Variants in ATP4A observed in about 807,000 individuals in gnomAD.
ATP4A encodes ATPase H+/K+ transporting subunit alpha, also known as potassium-transporting ATPase alpha chain 1.
In ATP4A, 73 loss-of-function variants were observed where a neutral mutation model predicts 112.1. The ratio of observed to expected loss-of-function variants is 0.65; its 90% CI spans 0.54 to 0.79. The LOEUF (loss-of-function observed/expected upper bound fraction) is 0.79, where lower values mean the gene tolerates loss of function less well. Among genes scored for constraint, ATP4A ranks in the 30% least tolerant of loss-of-function variants. ATP4A has a pLI of 0.00. For missense variants in ATP4A, 1,081 were observed against 1,425.9 expected, an observed-to-expected ratio of 0.76 and a Z score of 3.90; for synonymous variants, 588 against 588.9, an observed-to-expected ratio of 1.00 and a Z score of 0.02.
rs150321750 is a variant in ATP4A, at chr19:35,553,075, G to T, written c.2713C>A (p.His905Asn). ...VGLRAQWEDH[H>N]LQDLQDSYGQ... is the part of the protein sequence containing the mutation. Reference sequence around the variant, plus strand: ...TAGCTGTCCTGCAGATCTTGTAGGTGGTGGTCCTCCCACTGCGCCCGCAGC... The same window carrying T: ...TAGCTGTCCTGCAGATCTTGTAGGTTGTGGTCCTCCCACTGCGCCCGCAGC... The change falls in exon 18 of 22, where the codon CAC becomes AAC. Residue 905 changes from histidine (H) to asparagine (N), a missense_variant. Transcript: ENST00000262623. 344 of 1,610,604 alleles carry T rather than the reference G, an allele frequency of 2.1e-4. 2 individuals carry two copies. In the African/African-American group the frequency reaches 4.2e-3, roughly 20 times the overall value.
rs370650252 is a variant in ATP4A at position 35,560,467 on chromosome 19, G to A, written c.683C>T (p.Ser228Leu). The change falls in exon 6 of 22, where the codon TCG becomes TTG. Residue 228 changes from serine to leucine, a missense_variant. Physicochemically the swap from Ser to Leu is moderately radical, Grantham distance 145. Coordinates refer to ENST00000262623, the MANE Select transcript of ATP4A (RefSeq NM_000704.3). The surrounding 1 kb of genome is among the most constrained non-coding windows in gnomAD (Gnocchi z 5.1). ...AAQGCKVDNS[S>L]LTGESEPQTR... is the part of the protein sequence containing the mutation. ...CTGTGGCTCAGACTCCCCTGTCAGC[G>A]AGGAGTTGTCCACCTTGCAGCCCTG... 33 of 1,613,588 alleles carry A rather than the reference G, an allele frequency of 2.0e-5. No individual in the cohort carries two copies. The highest frequency in any genetic ancestry group is 6.7e-5 in the African/African-American group (5 of 74,930).
chr19:35,556,120 T>G (rs12609743), intron 12 of ATP4A, among the ~76,000 whole-genome samples: 6,480 of 152,062 alleles, frequency 0.043, 174 homozygotes, highest in South Asian at 0.071. Flanking sequence ...ATTGAGAAGG[T>G]GATATCTGAG....
chr19:35,556,358 G>A (rs901642284), intron 12 of ATP4A, among the ~76,000 whole-genome samples: 2 of 152,216 alleles, frequency 1.3e-5, no homozygotes, highest in East Asian at 1.9e-4. Flanking sequence ...GTAGAGACAC[G>A]GGAAGGGCTT....
chr19:35,560,148 C>G lies in ATP4A; in HGVS notation c.788-75G>C. The stretch of plus-strand genomic sequence containing the variant: ...GTGCACTGCCGTGTGAGCTGAAGGA[C>G]AGCCAGTCACTGCCAGTGGAGGATG... On this transcript the variant is annotated intron_variant, in intron 6 of 21. Coordinates refer to ENST00000262623, the MANE Select transcript of ATP4A (RefSeq NM_000704.3). The surrounding 1 kb of genome is among the most constrained non-coding windows in gnomAD (Gnocchi z 5.1). 3 of 1,575,270 alleles carry G rather than the reference C, an allele frequency of 1.9e-6. No homozygotes were observed. Among genetic ancestry groups the G allele is most frequent in the Non-Finnish European group, 2.6e-6 (3 of 1,157,458 alleles).
chr19:35,555,574 C>A lies in ATP4A; in HGVS notation c.2023G>T (p.Val675Leu). ...QVNRKDARAC[V>L]INGMQLKDMD... ...TCCTTCAGCTGCATGCCATTGATCA[C>A]ACAGGCACGGGCATCCCTGGGGAGG... The change falls in exon 14 of 22, where the codon GTG becomes TTG. Residue 675 changes from valine (V) to leucine (L), a missense_variant. Transcript: ENST00000262623. This position sits in a 1 kb window ranked among gnomAD's most constrained non-coding sequence, Gnocchi z 6.6. 6.3e-7 allele frequency: 1 copy of A among 1,583,532 alleles called. No individual in the cohort carries two copies. Among genetic ancestry groups the A allele is most frequent in the Non-Finnish European group, 8.6e-7 (1 of 1,159,326 alleles).
rs1392959488 is a variant in ATP4A, at chr19:35,560,897, G to A, written c.456C>T (p.Val152=). The change falls in exon 5 of 22, where the codon GTC becomes GTT. Residue 152 remains valine (V), a synonymous_variant. Transcript: ENST00000262623. This position sits in a 1 kb window ranked among gnomAD's most constrained non-coding sequence, Gnocchi z 5.1. ...GGTAGTAGCCAAAGCAGCCGGTGACGACAACCACAGCAATGAGAGCGATTG... is the reference window on the plus strand; with the variant it reads ...GGTAGTAGCCAAAGCAGCCGGTGACAACAACCACAGCAATGAGAGCGATTG... The part of the protein sequence containing the change: ...YLAIALIAVV[V]VTGCFGYYQE... The A allele has an allele frequency of 1.1e-5, 17 of 1,613,834 alleles. No individual in the cohort carries two copies. Among genetic ancestry groups the A allele is most frequent in the African/African-American group, 4.0e-5 (3 of 74,836 alleles).
chr19:35,559,404 G>A lies in ATP4A; in HGVS notation c.1057-213C>T, dbSNP rs2071653773. On this transcript the variant is annotated intron_variant, in intron 7 of 21. Coordinates refer to ENST00000262623, the MANE Select transcript of ATP4A (RefSeq NM_000704.3). This position sits in a 1 kb window ranked among gnomAD's most constrained non-coding sequence, Gnocchi z 4.1. ...CAGTCTGCCCAGATACAGTAGCGAG[G>A]CCCCTCTCTGAGCTGTCCCAGCCGA... Among the ~76,000 whole-genome samples the A allele has an allele frequency of 6.6e-6, 1 of 152,214 alleles. No homozygotes were observed. The highest frequency in any genetic ancestry group is 2.4e-5 in the African/African-American group (1 of 41,446).
chr19:35,563,142 C>T, intron 3 of ATP4A, 67 bp downstream of exon 3: 1 of 1,568,266 alleles, frequency 6.4e-7, no homozygotes, highest in Non-Finnish European at 8.7e-7. Context: ...CCATCTCCCT[C>T]CTTCCATCTC....
chr19:35,558,888 G>T lies in ATP4A; in HGVS notation c.1255+105C>A. The T allele has an allele frequency of 7.0e-7, 1 of 1,436,184 alleles. No homozygotes were observed. 89.0% of individuals were successfully genotyped at this position (1,436,184 alleles called of 1,614,324 possible). On this transcript the variant is annotated intron_variant, in intron 8 of 21. Transcript: ENST00000262623. The surrounding 1 kb of genome is among the most constrained non-coding windows in gnomAD (Gnocchi z 5.1). ...AGTCTCCTTTGAGACCTGGAGCCGA[G>T]CCGCCCCGCCTTCGTACAAAGCCCT...
chr19:35,557,836 A>G lies in ATP4A; in HGVS notation c.1512T>C (p.His504=), dbSNP rs768156845. The change falls in exon 11 of 22, where the codon CAT becomes CAC. Residue 504 remains histidine, a synonymous_variant. Transcript: ENST00000262623. This position sits in a 1 kb window ranked among gnomAD's most constrained non-coding sequence, Gnocchi z 4.4. The part of the protein sequence containing the change: ...NSTNKFQLSI[H]TLEDPRDPRH... ...GCGGGTCCCGCGGGTCCTCCAGCGT[A>G]TGGATGGACAGCTGTGGGCGGGGGG... 2.5e-5 allele frequency: 34 copies of G among 1,341,266 alleles called. No individual in the cohort carries two copies. The highest frequency in any genetic ancestry group is 3.3e-5 in the Non-Finnish European group (34 of 1,019,430). The allele number at this position is 1,341,266 out of a possible 1,614,324, so 83.1% of individuals were successfully genotyped here.
rs1320762593 is a variant in ATP4A, at chr19:35,560,410, G to C, written c.740C>G (p.Pro247Arg). 6.2e-7 allele frequency: 1 copy of C among 1,614,050 alleles called. No individual in the cohort carries two copies. Among genetic ancestry groups the C allele is most frequent in the Non-Finnish European group, 8.5e-7 (1 of 1,180,020 alleles). ...GAAGGCGATGTTGCGGGTCTCCAGAGGGCTCTCGTGCGTGCACTCGGGTGA... is the reference window on the plus strand; with the variant it reads ...GAAGGCGATGTTGCGGGTCTCCAGACGGCTCTCGTGCGTGCACTCGGGTGA... ...TRSPECTHESPLETRNIAFFS... is the reference protein window; with the variant it reads ...TRSPECTHESRLETRNIAFFS... The change falls in exon 6 of 22, where the codon CCT (proline) becomes CGT (arginine). Residue 247 changes from proline (P) to arginine (R), a missense_variant. Transcript: ENST00000262623. This position sits in a 1 kb window ranked among gnomAD's most constrained non-coding sequence, Gnocchi z 5.1.
chr19:35,560,531 C>G lies in ATP4A; in HGVS notation c.619G>C (p.Gly207Arg), dbSNP rs1339700578. The G allele has an allele frequency of 6.2e-7, 1 of 1,613,514 alleles. No individual in the cohort carries two copies. Among genetic ancestry groups the G allele is most frequent in the Non-Finnish European group, 8.5e-7 (1 of 1,180,026 alleles). Reference protein sequence around the residue: ...VVGDLVEMKGGDRVPADIRIL... With the variant: ...VVGDLVEMKGRDRVPADIRIL... ...CGGATGTCGGCGGGCACTCTGTCCC[C>G]ACCTTTCATCTCCACCAGGTCGCCC... Residue 207 changes from glycine (G) to arginine (R), a missense_variant, in exon 6 of 22, where the codon GGG (glycine) becomes CGG (arginine). Physicochemically the swap from Gly to Arg is moderately radical, Grantham distance 125. Around this residue, in one of 3 missense-constraint regions of ATP4A, gnomAD observed 850 missense variants for 1,068.2 expected, o/e 0.80. Transcript: ENST00000262623. The surrounding 1 kb of genome is among the most constrained non-coding windows in gnomAD (Gnocchi z 5.1).
rs1414992855 is a variant in ATP4A at position 35,557,633 on chromosome 19, C to T, written c.1693+22G>A. On this transcript the variant is annotated intron_variant, in intron 11 of 21. Transcript: ENST00000262623. The surrounding 1 kb of genome is among the most constrained non-coding windows in gnomAD (Gnocchi z 4.4). ...AGCTCCTCCTCGCACCTGGAGTCTCCTCCCCTGCCCAGGGGTCTCACCGAG... is the reference window on the plus strand; with the variant it reads ...AGCTCCTCCTCGCACCTGGAGTCTCTTCCCCTGCCCAGGGGTCTCACCGAG... 1.3e-6 allele frequency: 2 copies of T among 1,591,348 alleles called. No individual in the cohort carries two copies. Among genetic ancestry groups the T allele is most frequent in the Non-Finnish European group, 1.7e-6 (2 of 1,169,242 alleles).
In ATP4A at chr19:35,555,103, C is replaced by T. The variant is rs940816969; in HGVS notation, c.2327-27G>A. 2 of 1,612,962 alleles carry T rather than the reference C, an allele frequency of 1.2e-6. No individual in the cohort carries two copies. The highest frequency in any genetic ancestry group is 1.7e-6 in the Non-Finnish European group (2 of 1,179,348). ...TGTGGGGTAGGGTGGGCACCTCAGC[C>T]TCCTCACAGCCCTCTCCCTCCTGTG... On this transcript the variant is annotated intron_variant, in intron 15 of 21. Coordinates refer to ENST00000262623, the MANE Select transcript of ATP4A (RefSeq NM_000704.3). This position sits in a 1 kb window ranked among gnomAD's most constrained non-coding sequence, Gnocchi z 6.6.
In ATP4A at chr19:35,551,073, C is replaced by G; in HGVS notation, c.2924G>C (p.Cys975Ser). 6.2e-7 allele frequency: 1 copy of G among 1,613,470 alleles called. No homozygotes were observed. Among genetic ancestry groups the G allele is most frequent in the Non-Finnish European group, 8.5e-7 (1 of 1,179,686 alleles). ...GCAGTAGCACAGGAAGCAGCCGATG[C>G]AGACCTGGAACACGATGGCGATCAC... is the stretch of plus-strand genomic sequence containing the variant. ...ILVIAIVFQV[C>S]IGCFLCYCPG... The change falls in exon 20 of 22, where the codon TGC (cysteine) becomes TCC (serine). Residue 975 changes from cysteine (C) to serine (S), a missense_variant. This residue lies in a region of ATP4A where 219 missense variants were observed against 320.9 expected (regional missense o/e 0.68). Coordinates refer to ENST00000262623, the MANE Select transcript of ATP4A (RefSeq NM_000704.3). This position sits in a 1 kb window ranked among gnomAD's most constrained non-coding sequence, Gnocchi z 5.2.
Position 35,558,696 on chromosome 19 carries a change from A to G in ATP4A, c.1256-10T>C, listed in dbSNP as rs913769557. On this transcript the variant is annotated splice_polypyrimidine_tract_variant and intron_variant, in intron 8 of 21. Coordinates refer to ENST00000262623, the MANE Select transcript of ATP4A (RefSeq NM_000704.3). The surrounding 1 kb of genome is among the most constrained non-coding windows in gnomAD (Gnocchi z 5.1). ...TGGTCAAACGTCTGCCCTGCAGACC[A>G]GGCGTCCAGGCTGGGTCCCGCACGG... 4.4e-6 allele frequency: 7 copies of G among 1,579,202 alleles called. 1 individual carries two copies. The highest frequency in any genetic ancestry group is 1.2e-5 in the South Asian group (1 of 86,956).
At chr19:35,553,996 G>T in intron 16 of ATP4A, 167 bp from the exon 17 acceptor site, 1 of 965,412 alleles carries the variant, frequency 1.0e-6, no homozygotes, top group Non-Finnish European at 1.5e-6. Context: ...GGGCCCCACT[G>T]GCCCCTGGGT....
chr19:35,551,151 G>A lies in ATP4A; in HGVS notation c.2886-40C>T, dbSNP rs2071599596. Reference sequence around the variant, plus strand: ...AATGGGACAGGCCATTAGGAATTGGGGACGTGATGGAAATCAGGATACTGT... The same window carrying A: ...AATGGGACAGGCCATTAGGAATTGGAGACGTGATGGAAATCAGGATACTGT... On this transcript the variant is annotated intron_variant, in intron 19 of 21. Transcript: ENST00000262623. The surrounding 1 kb of genome is among the most constrained non-coding windows in gnomAD (Gnocchi z 5.2). The A allele has an allele frequency of 6.4e-7, 1 of 1,553,200 alleles. No homozygotes were observed. The highest frequency in any genetic ancestry group is 2.4e-5 in the East Asian group (1 of 42,036).
rs1467401280 is a variant in ATP4A, at chr19:35,562,651, G to A, written c.217-13C>T. On this transcript the variant is annotated splice_polypyrimidine_tract_variant and intron_variant, in intron 3 of 21. Coordinates refer to ENST00000262623, the MANE Select transcript of ATP4A (RefSeq NM_000704.3). ...TCGCAGAGAGGCCCTGGGACAGAGG[G>A]GCAGGGCGAGGCGGTCCTGGGGGCT... 3.2e-6 allele frequency: 5 copies of A among 1,573,090 alleles called. No homozygotes were observed. The highest frequency in any genetic ancestry group is 1.9e-5 in the Admixed American group (1 of 53,920).
Sources: allele counts gnomAD v4.1 joint callset (sites outside exome capture counted in the v4.1 genomes callset), GRCh38; gene constraint gnomAD v4.1.1; regional missense constraint gnomAD v4.1.1; non-coding constraint Gnocchi (gnomAD v3.1); transcripts MANE v1.5; gene names NCBI Gene and HGNC (gene_info 2026-07-23, HGNC 2026-07-21).